Variants in NCKAP5 observed in about 807,000 individuals in gnomAD.
The protein encoded by NCKAP5 is NCK associated protein 5.
NCKAP5 carries 92 observed loss-of-function variants against 167.0 expected under a neutral mutation model. The observed-to-expected ratio is 0.55, with a 90% CI of 0.47 to 0.66. The LOEUF (loss-of-function observed/expected upper bound fraction) is 0.66, where lower values mean the gene tolerates loss of function less well. NCKAP5 is among the 30% of genes least tolerant of loss of function. NCKAP5 has a pLI of 0.00. For synonymous variants in NCKAP5, 891 were observed against 877.4 expected, an observed-to-expected ratio of 1.02 and a Z score of -0.27; for missense variants, 2,378 against 2,315.0, an observed-to-expected ratio of 1.03 and a Z score of -0.56.
intron 11 of NCKAP5, among the ~76,000 whole-genome samples, chr2:132,798,625 T>C (rs1044135171): frequency 1.3e-5 from 2 of 152,208 alleles, no homozygotes; most frequent in Non-Finnish European, 2.9e-5. Flanking sequence ...TGCATGAATA[T>C]ATGCATCTAA....
the NCKAP5 span, among the ~76,000 whole-genome samples, chr2:133,671,515 G>A: frequency 6.6e-6 from 1 of 151,994 alleles, no homozygotes; most frequent in South Asian, 2.1e-4. Flanking sequence ...AAGTAGGACT[G>A]GTGGTTTTAT....
chr2:133,569,039 A>AGG, upstream of NCKAP5, among the ~76,000 whole-genome samples: 1 of 152,292 alleles, frequency 6.6e-6, no homozygotes. Context: ...TCCTGAGAAG[A>AGG]GTGCTGGAGG....
chr2:133,097,776 G>C (rs2081388116), intron 6 of NCKAP5, among the ~76,000 whole-genome samples: 1 of 152,104 alleles, frequency 6.6e-6, no homozygotes, highest in African/African-American at 2.4e-5. Flanking sequence ...TAGCTGACTG[G>C]GAGAATGCTA....
At chr2:133,029,466 AG>A (rs146326050) in intron 6 of NCKAP5, among the ~76,000 whole-genome samples, 5,130 of 152,250 alleles carry the variant, frequency 0.034, 251 homozygotes, top group African/African-American at 0.11. Context: ...CATGGGGAGC[AG>A]GGGGAGGTTC....
At chr2:133,448,079 G>A (rs1691317161) in intron 3 of NCKAP5, among the ~76,000 whole-genome samples, 1 of 152,022 alleles carries the variant, frequency 6.6e-6, no homozygotes. Context: ...AGCAGAAGTG[G>A]GCTGATCATG....
At chr2:133,584,442 C>A in the NCKAP5 span, among the ~76,000 whole-genome samples, 1 of 152,108 alleles carries the variant, frequency 6.6e-6, no homozygotes, top group Non-Finnish European at 1.5e-5. Context: ...GAAGAGGCTT[C>A]TTCTTGCTTC....
intron 2 of NCKAP5, among the ~76,000 whole-genome samples, chr2:133,530,243 T>C (rs967068805): frequency 4.8e-5 from 7 of 146,290 alleles, no homozygotes; most frequent in Admixed American, 2.0e-4. Flanking sequence ...ACAATCCTTT[T>C]CCTTGACCCT....
chr2:132,826,550 C>G (rs911328494), intron 11 of NCKAP5, among the ~76,000 whole-genome samples: 12 of 152,172 alleles, frequency 7.9e-5, no homozygotes, highest in African/African-American at 2.9e-4. Flanking sequence ...GTGCTTTGCC[C>G]TCCTGTTAGA....
chr2:133,554,475 CA>C (rs1457457162), intron 2 of NCKAP5: 1 of 152,124 alleles, frequency 6.6e-6, no homozygotes, highest in African/African-American at 2.4e-5. Flanking sequence ...TTACACATGT[CA>C]ATTTGGCTCT....
chr2:133,288,930 C>G (rs537968914), intron 4 of NCKAP5, among the ~76,000 whole-genome samples: 6 of 152,306 alleles, frequency 3.9e-5, no homozygotes, highest in Non-Finnish European at 8.8e-5. Context: ...ATTTTTAACT[C>G]TTAAGAAATA....
In NCKAP5 at chr2:133,387,272, C is replaced by A. The variant is rs532522542; in HGVS notation, c.70-84162G>T. ...ACAAAATCTCTCAGCAGTTGCTTGTCTGTAAAGGATTTTATTTCTCCTTCA... is the reference window on the plus strand; with the variant it reads ...ACAAAATCTCTCAGCAGTTGCTTGTATGTAAAGGATTTTATTTCTCCTTCA... On this transcript the variant is annotated intron_variant, in intron 3 of 19. Transcript: ENST00000409261. Among the ~76,000 whole-genome samples the A allele has an allele frequency of 1.8e-4, 27 of 152,258 alleles. No individual in the cohort carries two copies. In the South Asian group the frequency reaches 5.6e-3, roughly 32 times the overall value.
chr2:133,082,509 A>T (rs2080844272), intron 6 of NCKAP5, among the ~76,000 whole-genome samples: 1 of 151,906 alleles, frequency 6.6e-6, no homozygotes, highest in East Asian at 1.9e-4. Context: ...AACAGTTCAC[A>T]CTCTCCATCT....
intron 3 of NCKAP5, among the ~76,000 whole-genome samples, chr2:133,482,858 T>C (rs539065384): frequency 2.6e-5 from 4 of 152,310 alleles, no homozygotes; most frequent in East Asian, 3.9e-4. Context: ...CACCAACTCA[T>C]TGAAATCGTT....
At chr2:133,650,622 C>A in the NCKAP5 span, among the ~76,000 whole-genome samples, 2 of 152,182 alleles carry the variant, frequency 1.3e-5, no homozygotes, top group Non-Finnish European at 2.9e-5. Flanking sequence ...TGCCTGTAAT[C>A]CCAACACTTT....
At chr2:133,135,420 G>C (rs1450093770) in intron 5 of NCKAP5, among the ~76,000 whole-genome samples, 3 of 152,024 alleles carry the variant, frequency 2.0e-5, no homozygotes, top group Non-Finnish European at 4.4e-5. Flanking sequence ...ATAAGGGATA[G>C]ACCACGTAGG....
chr2:133,150,021 A>G (rs1351008590), intron 5 of NCKAP5, among the ~76,000 whole-genome samples: 2 of 152,180 alleles, frequency 1.3e-5, no homozygotes, highest in South Asian at 2.1e-4. Flanking sequence ...AGGAAAGGTG[A>G]TTACAAACTG....
chr2:133,498,508 C>A (rs1575063779), intron 3 of NCKAP5, among the ~76,000 whole-genome samples: 1 of 130,628 alleles, frequency 7.7e-6, no homozygotes, highest in African/African-American at 3.0e-5. Flanking sequence ...GGCAGGCAGG[C>A]AGGCAGCCAA....
intron 11 of NCKAP5, among the ~76,000 whole-genome samples, chr2:132,842,296 T>C (rs1277648751): frequency 6.6e-6 from 1 of 152,186 alleles, no homozygotes; most frequent in African/African-American, 2.4e-5. Flanking sequence ...CTCATTCTTA[T>C]ATAGCTTAGC....
intron 3 of NCKAP5, among the ~76,000 whole-genome samples, chr2:133,424,794 T>C (rs1689689975): frequency 6.6e-6 from 1 of 152,180 alleles, no homozygotes; most frequent in Middle Eastern, 3.2e-3. Context: ...CTAGTGGTTC[T>C]GAGGCACGTG....
Sources: gnomAD v4.1 joint callset for allele counts (sites outside exome capture counted in the v4.1 genomes callset) on GRCh38, gnomAD v4.1.1 for gene constraint, MANE v1.5 for transcripts, NCBI Gene and HGNC (gene_info 2026-07-23, HGNC 2026-07-21) for gene names.